The following NUMBL variants were observed in gnomAD, a reference collection of about 807,000 sequenced individuals.
The protein encoded by NUMBL is numb-like protein.
A neutral mutation model predicts 48.9 loss-of-function variants in NUMBL; 20 were observed. The observed-to-expected ratio is 0.41, with a 90% CI of 0.29 to 0.59. NUMBL has a LOEUF of 0.59. Among genes scored for constraint, NUMBL ranks in the 20% least tolerant of loss-of-function variants. The probability of loss-of-function intolerance (pLI) is 0.31; values close to 1 mark genes in which losing one functional copy is unlikely to be tolerated. For missense variants in NUMBL, 660 were observed against 846.2 expected (o/e 0.78, Z 2.73); for synonymous variants, 340 against 348.7 (o/e 0.98, Z 0.28).
chr19:40,682,985 T>TGC lies in NUMBL; in HGVS notation c.250-18_250-17insGC. On this transcript the variant is annotated splice_polypyrimidine_tract_variant and intron_variant, in intron 3 of 9. Transcript: ENST00000252891. The surrounding 1 kb of genome is among the most constrained non-coding windows in gnomAD (Gnocchi z 4.0). The stretch of plus-strand genomic sequence containing the variant: ...ACCCAGGTACTTGGGTTGGAGGGAA[T>TGC]GGGGGGGGGGACATGAAACAGCACA... The TGC allele has an allele frequency of 1.4e-6, 2 of 1,442,886 alleles. No individual in the cohort carries two copies. The highest frequency in any genetic ancestry group is 2.4e-5 in the South Asian group (2 of 81,684). 89.4% of individuals were successfully genotyped at this position (1,442,886 alleles called of 1,614,324 possible).
rs2081902142 is a variant in NUMBL, at chr19:40,680,957, C to T, written c.500G>A (p.Arg167His). 1.9e-6 allele frequency: 3 copies of T among 1,614,094 alleles called. No homozygotes were observed. Among genetic ancestry groups the T allele is most frequent in the Non-Finnish European group, 2.5e-6 (3 of 1,180,000 alleles). ...FSYICRDGTT[R>H]RWICHCFLAL... is the part of the protein sequence containing the mutation. ...CAGAAAACAGTGGCAGATCCAGCGG[C>T]GGGTAGTCCCGTCACGACAGATATA... The change falls in exon 6 of 10, where the codon CGC (arginine) becomes CAC (histidine). Residue 167 changes from arginine to histidine, a missense_variant. By Grantham distance (29) the Arg-to-His change is conservative. Coordinates refer to ENST00000252891, the MANE Select transcript of NUMBL (RefSeq NM_004756.5).
chr19:40,682,619 A>G lies in NUMBL; in HGVS notation c.399+109T>C. On this transcript the variant is annotated intron_variant, in intron 5 of 9. Transcript: ENST00000252891. This position sits in a 1 kb window ranked among gnomAD's most constrained non-coding sequence, Gnocchi z 4.0. ...GAGGGAGCACACGGCATCGTCTAGAAGGTCCCTGAGGGAGGGATGTGCAGA... is the reference window on the plus strand; with the variant it reads ...GAGGGAGCACACGGCATCGTCTAGAGGGTCCCTGAGGGAGGGATGTGCAGA... 1.1e-6 allele frequency: 1 copy of G among 949,134 alleles called. No individual in the cohort carries two copies. Among genetic ancestry groups the G allele is most frequent in the Non-Finnish European group, 1.6e-6 (1 of 617,328 alleles). 58.8% of individuals were successfully genotyped at this position (949,134 alleles called of 1,614,324 possible).
At chr19:40,675,761 ACT>A (rs1004539306) in intron 7 of NUMBL, among the ~76,000 whole-genome samples, 2 of 151,464 alleles carry the variant, frequency 1.3e-5, no homozygotes, top group South Asian at 2.1e-4. Context: ...ACACACACAC[ACT>A]CTCTCTCTCA....
intron 8 of NUMBL, 67 bp from the exon 9 acceptor site, chr19:40,670,087 C>T: frequency 6.4e-7 from 1 of 1,554,892 alleles, no homozygotes; most frequent in African/African-American, 1.4e-5. Flanking sequence ...CGCCCTCTAC[C>T]CCCCGCCCTC....
Position 40,684,446 on chromosome 19 carries a change from G to A in NUMBL, c.220C>T (p.Arg74Trp), listed in dbSNP as rs1568431703. Residue 74 changes from arginine (R) to tryptophan (W), a missense_variant, in exon 3 of 10, where the codon CGG (arginine) becomes TGG (tryptophan). By Grantham distance (101) the Arg-to-Trp change is moderately radical (BLOSUM62 -3). Coordinates refer to ENST00000252891, the MANE Select transcript of NUMBL (RefSeq NM_004756.5). ...HQWQADEDAV[R>W]KGTCSFPVRY... ...ACCGGGAAGCTGCACGTGCCCTTCC[G>A]CACCGCGTCCTCGTCTGCCTGCCAC... 1 of 1,577,608 alleles carries A rather than the reference G, an allele frequency of 6.3e-7. No homozygotes were observed. The highest frequency in any genetic ancestry group is 8.6e-7 in the Non-Finnish European group (1 of 1,164,576).
intron 2 of NUMBL, chr19:40,684,914 G>GT (rs1224855014): frequency 3.9e-6 from 1 of 259,124 alleles, no homozygotes; most frequent in East Asian, 1.1e-4. Context: ...GACACAAAGG[G>GT]TGGGAAATCA....
Position 40,680,968 on chromosome 19 carries a change from G to A in NUMBL, c.489C>T (p.Asp163=), listed in dbSNP as rs1011580828. 8.1e-6 allele frequency: 13 copies of A among 1,614,040 alleles called. No individual in the cohort carries two copies. Among genetic ancestry groups the A allele is most frequent in the East Asian group, 4.5e-5 (2 of 44,894 alleles). ...GGCAGATCCAGCGGCGGGTAGTCCC[G>A]TCACGACAGATATAGGAGAAAGCCT... The part of the protein sequence containing the change: ...LDKAFSYICR[D]GTTRRWICHC... Residue 163 remains aspartate (D), a synonymous_variant, in exon 6 of 10, where the codon GAC becomes GAT. Coordinates refer to ENST00000252891, the MANE Select transcript of NUMBL (RefSeq NM_004756.5).
chr19:40,688,286 C>T lies in NUMBL; in HGVS notation c.25-1291G>A, dbSNP rs2081944633. On this transcript the variant is annotated intron_variant, in intron 1 of 9. Transcript: ENST00000252891. The surrounding 1 kb of genome is among the most constrained non-coding windows in gnomAD (Gnocchi z 4.6). ...ACAAGTCACACAGACAAGTATGTGG[C>T]CATATAGAATCACAGCCCCGTGTGG... 6.6e-6 allele frequency among the ~76,000 whole-genome samples: 1 copy of T among 152,196 alleles called. No homozygotes were observed. Among genetic ancestry groups the T allele is most frequent in the Non-Finnish European group, 1.5e-5 (1 of 68,040 alleles).
chr19:40,683,835 G>A (rs2081918514), intron 3 of NUMBL, among the ~76,000 whole-genome samples: 1 of 152,134 alleles, frequency 6.6e-6, no homozygotes, highest in Non-Finnish European at 1.5e-5. Flanking sequence ...GGAGTGCAAT[G>A]GCACAATTAA....
intron 1 of NUMBL, 69 bp downstream of exon 1, chr19:40,690,391 C>A: frequency 2.0e-6 from 2 of 979,762 alleles, no homozygotes; most frequent in African/African-American, 1.7e-5. Flanking sequence ...CCGCGGCCGC[C>A]TCCCACCCTC....
chr19:40,678,028 C>T (rs1032557511), intron 6 of NUMBL, among the ~76,000 whole-genome samples: 9 of 152,142 alleles, frequency 5.9e-5, no homozygotes, highest in African/African-American at 1.4e-4. Flanking sequence ...ATAGACTAAA[C>T]GTGTGTGTCT....
intron 7 of NUMBL, among the ~76,000 whole-genome samples, chr19:40,674,249 CCT>C (rs1233665672): frequency 1.3e-5 from 2 of 152,136 alleles, no homozygotes; most frequent in East Asian, 1.9e-4. Context: ...TGTCTGTTCC[CCT>C]CTGTCTCCCA....
chr19:40,678,008 G>A (rs779780923), intron 6 of NUMBL, among the ~76,000 whole-genome samples: 12 of 152,132 alleles, frequency 7.9e-5, no homozygotes, highest in Non-Finnish European at 1.3e-4. Flanking sequence ...CCAAAGGCTT[G>A]TGCATTGCTA....
chr19:40,685,757 G>A (rs895114233), intron 2 of NUMBL: 26 of 153,390 alleles, frequency 1.7e-4, no homozygotes, highest in African/African-American at 6.3e-4. Flanking sequence ...TGTCTGTGAT[G>A]ACATTGCCTC....
At chr19:40,669,705 C>T (rs779616385) in intron 9 of NUMBL, among the ~76,000 whole-genome samples, 193 bp downstream of exon 9, 8 of 151,690 alleles carry the variant, frequency 5.3e-5, no homozygotes, top group East Asian at 1.9e-4. Context: ...CTAAAGTAAT[C>T]GCATGATTCT....
rs1415101636 is a variant in NUMBL, at chr19:40,688,704, A to G, written c.25-1709T>C. Among the ~76,000 whole-genome samples, 1 of 152,162 alleles carries G rather than the reference A, an allele frequency of 6.6e-6. No homozygotes were observed. Among genetic ancestry groups the G allele is most frequent in the Non-Finnish European group, 1.5e-5 (1 of 68,028 alleles). On this transcript the variant is annotated intron_variant, in intron 1 of 9. Coordinates refer to ENST00000252891, the MANE Select transcript of NUMBL (RefSeq NM_004756.5). This position sits in a 1 kb window ranked among gnomAD's most constrained non-coding sequence, Gnocchi z 4.6. ...GCCATAATCATATACACACCCCTACAAACATAATTTCCTGGCACCAGCACG... is the reference window on the plus strand; with the variant it reads ...GCCATAATCATATACACACCCCTACGAACATAATTTCCTGGCACCAGCACG...
chr19:40,677,101 A>G, intron 7 of NUMBL, 131 bp downstream of exon 7: 1 of 990,010 alleles, frequency 1.0e-6, no homozygotes, highest in Non-Finnish European at 1.5e-6. Flanking sequence ...GGTGTGAACC[A>G]TGGCGCTTGG....
chr19:40,688,432 G>A lies in NUMBL; in HGVS notation c.25-1437C>T, dbSNP rs1476128388. 6.6e-6 allele frequency among the ~76,000 whole-genome samples: 1 copy of A among 152,186 alleles called. No individual in the cohort carries two copies. Among genetic ancestry groups the A allele is most frequent in the African/African-American group, 2.4e-5 (1 of 41,424 alleles). On this transcript the variant is annotated intron_variant, in intron 1 of 9. Transcript: ENST00000252891. This position sits in a 1 kb window ranked among gnomAD's most constrained non-coding sequence, Gnocchi z 4.6. Reference sequence around the variant, plus strand: ...TCCAGTGTATGCACATAAATGCAGTGACCAGGATGTGGCATTTATAGCTGG... The same window carrying A: ...TCCAGTGTATGCACATAAATGCAGTAACCAGGATGTGGCATTTATAGCTGG...
chr19:40,671,376 G>GT lies in NUMBL; in HGVS notation c.1037-1357_1037-1356insA, dbSNP rs3842410. On this transcript the variant is annotated intron_variant, in intron 8 of 9. Transcript: ENST00000252891. ...TTCTGAGCATGTGTGACATGTGTGT[G>GT]GGGGGGTGCAATGTCTATGTGAGTA... Among the ~76,000 whole-genome samples the GT allele has an allele frequency of 3.6e-4, 13 of 36,102 alleles. No homozygotes were observed. In the East Asian group the frequency reaches 4.2e-3, roughly 12 times the overall value. 23.7% of individuals were successfully genotyped at this position (36,102 alleles called of 152,430 possible).
Sources: gnomAD v4.1 joint callset for allele counts (sites outside exome capture counted in the v4.1 genomes callset) on GRCh38, gnomAD v4.1.1 for gene constraint, Gnocchi (gnomAD v3.1) non-coding constraint, MANE v1.5 for transcripts, NCBI Gene and HGNC (gene_info 2026-07-23, HGNC 2026-07-21) for gene names.